The following ASIC2 variants were observed in gnomAD, a reference collection of about 807,000 sequenced individuals.
ASIC2 encodes the protein acid sensing ion channel subunit 2, also known as acid-sensing ion channel 2.
Under a neutral mutation model 57.3 loss-of-function variants are expected in ASIC2, and 25 were observed. The ratio of observed to expected loss-of-function variants is 0.44; its 90% confidence interval spans 0.32 to 0.61. ASIC2 has a LOEUF of 0.61. ASIC2 is among the 20% of genes least tolerant of loss of function. ASIC2 has a pLI of 0.06. For synonymous variants in ASIC2, 319 were observed against 307.5 expected, an observed-to-expected ratio of 1.04 and a Z score of -0.39; for missense variants, 641 against 738.1, an observed-to-expected ratio of 0.87 and a Z score of 1.52.
At chr17:33,095,407 C>T (rs1370908736) in intron 2 of ASIC2, among the ~76,000 whole-genome samples, 1 of 152,214 alleles carries the variant, frequency 6.6e-6, no homozygotes, top group Non-Finnish European at 1.5e-5. Flanking sequence ...TGAGAGATCT[C>T]TTGGGGACAG....
intron 1 of ASIC2, among the ~76,000 whole-genome samples, chr17:33,201,202 G>T (rs755153927): frequency 1.2e-4 from 19 of 152,248 alleles, no homozygotes; most frequent in Non-Finnish European, 2.6e-4. Context: ...TGAGGACATG[G>T]ATTTTGATCT....
intron 1 of ASIC2, among the ~76,000 whole-genome samples, chr17:33,836,116 C>CTT (rs747425378): frequency 0.013 from 1,473 of 116,348 alleles, 72 homozygotes; most frequent in African/African-American, 0.044. Flanking sequence ...CCTCATACAG[C>CTT]TTTTTTTTTT....
chr17:33,236,742 G>A (rs536617723), intron 1 of ASIC2, among the ~76,000 whole-genome samples: 9 of 152,232 alleles, frequency 5.9e-5, no homozygotes, highest in East Asian at 5.8e-4. Context: ...ATCTTTATAA[G>A]AGAAAACAGA....
chr17:33,015,775 C>T (rs1041997847), intron 9 of ASIC2, among the ~76,000 whole-genome samples, 196 bp downstream of exon 9: 2 of 152,190 alleles, frequency 1.3e-5, no homozygotes, highest in Admixed American at 6.5e-5. Context: ...TCCGTACTGG[C>T]TTCTGGCATG....
chr17:33,363,240 C>G (rs544295848), intron 1 of ASIC2, among the ~76,000 whole-genome samples: 2 of 152,254 alleles, frequency 1.3e-5, no homozygotes, highest in South Asian at 4.1e-4. Flanking sequence ...ACCCACAGAA[C>G]CAGGGGCAGG....
At chr17:33,798,061 T>A (rs1033641511) in intron 1 of ASIC2, among the ~76,000 whole-genome samples, 8 of 151,466 alleles carry the variant, frequency 5.3e-5, no homozygotes, top group Admixed American at 5.3e-4. Flanking sequence ...GGAAACAGGA[T>A]GGGAAAAGGA....
chr17:33,476,504 C>CATATATATATATATATATATATATAT (rs67811038), intron 1 of ASIC2, among the ~76,000 whole-genome samples: 3 of 122,760 alleles, frequency 2.4e-5, no homozygotes, highest in Non-Finnish European at 3.5e-5. Flanking sequence ...TGTGTGTGTG[C>CATATATATATATATATATATATATAT]ATATATATAT....
At chr17:33,365,026 A>T (rs1908753055) in intron 1 of ASIC2, among the ~76,000 whole-genome samples, 1 of 152,210 alleles carries the variant, frequency 6.6e-6, no homozygotes, top group Non-Finnish European at 1.5e-5. Flanking sequence ...CAAGCTCTTT[A>T]GCACGGATAT....
At position 33,683,740 on chromosome 17, in the gene ASIC2, G is replaced by T. The variant is rs6505365; in HGVS notation, c.555+472238C>A. ...TGTTTTTTACAGAGACAGGGGTCTT[G>T]CTATGTTGCCCAGGCTGGTCTCAAA... On this transcript the variant is annotated intron_variant, in intron 1 of 9. Coordinates refer to the ASIC2 transcript ENST00000359872. 8.8e-3 allele frequency among the ~76,000 whole-genome samples: 1,332 copies of T among 152,194 alleles called. 19 individuals carry two copies. The highest frequency in any genetic ancestry group is 0.03 in the African/African-American group (1,251 of 41,534).
At position 33,735,704 on chromosome 17, in the gene ASIC2, G is replaced by A. The variant is rs539478527; in HGVS notation, c.555+420274C>T. On this transcript the variant is annotated intron_variant, in intron 1 of 9. Transcript: ENST00000359872. Reference sequence around the variant, plus strand: ...TCCCTTTCACAAAGTCCTCAACAGCGGCTACCCACCTCCATTGAGCACTCC... The same window carrying A: ...TCCCTTTCACAAAGTCCTCAACAGCAGCTACCCACCTCCATTGAGCACTCC... 3.0e-4 allele frequency among the ~76,000 whole-genome samples: 46 copies of A among 152,130 alleles called. No homozygotes were observed. The South Asian group carries it at 3.1e-3, about 10-fold the overall frequency.
At chr17:33,910,385 C>G (rs1915435932) in intron 1 of ASIC2, among the ~76,000 whole-genome samples, 1 of 152,112 alleles carries the variant, frequency 6.6e-6, no homozygotes, top group Non-Finnish European at 1.5e-5. Flanking sequence ...GCAGCATAGC[C>G]AGGGAGCAAA....
intron 1 of ASIC2, among the ~76,000 whole-genome samples, chr17:33,559,813 C>T (rs1003312529): frequency 6.6e-5 from 10 of 152,106 alleles, no homozygotes; most frequent in African/African-American, 2.4e-4. Context: ...GTAGTACCTG[C>T]CTTATGATAG....
intron 1 of ASIC2, among the ~76,000 whole-genome samples, chr17:33,515,591 T>C (rs899290871): frequency 5.3e-5 from 8 of 152,204 alleles, no homozygotes; most frequent in African/African-American, 9.7e-5. Flanking sequence ...CTCTCCTCCC[T>C]TCTATTTATT....
rs1179314193 is a variant in ASIC2 at position 33,291,708 on chromosome 17, G to A, written c.408C>T (p.Cys136=). The A allele has an allele frequency of 8.7e-6, 14 of 1,613,648 alleles. 2 individuals are homozygous for A. The South Asian group carries it at 1.5e-4, about 18-fold the overall frequency. The change falls in exon 1 of 10, where the codon TGC becomes TGT. Residue 136 remains cysteine (C), a synonymous_variant. Coordinates refer to ENST00000225823, the MANE Select transcript of ASIC2 (RefSeq NM_183377.2). Reference sequence around the variant, plus strand: ...GCGGGAAGCGCAGCGGGTTGTTGTTGCACACAGTGACGGCGGGGAAGGGTA... The same window carrying A: ...GCGGGAAGCGCAGCGGGTTGTTGTTACACACAGTGACGGCGGGGAAGGGTA... ...RQLPFPAVTV[C]NNNPLRFPRL...
At chr17:33,340,457 C>G (rs1158405356) in intron 1 of ASIC2, among the ~76,000 whole-genome samples, 1 of 152,090 alleles carries the variant, frequency 6.6e-6, no homozygotes, top group East Asian at 1.9e-4. Context: ...GCAACTAGGT[C>G]AGCGCTTGGC....
At chr17:33,109,156 G>T (rs1442056933) in intron 2 of ASIC2, among the ~76,000 whole-genome samples, 1 of 152,158 alleles carries the variant, frequency 6.6e-6, no homozygotes, top group Non-Finnish European at 1.5e-5. Context: ...CACTGCTTGG[G>T]TGATGGGTGC....
chr17:34,095,290 T>A (rs530706650), intron 1 of ASIC2, among the ~76,000 whole-genome samples: 1 of 152,326 alleles, frequency 6.6e-6, no homozygotes, highest in Non-Finnish European at 1.5e-5. Flanking sequence ...AGGGAGCTCA[T>A]GCTGTCAGTC....
chr17:34,095,902 T>A (rs887109111), intron 1 of ASIC2, among the ~76,000 whole-genome samples: 1 of 151,858 alleles, frequency 6.6e-6, no homozygotes, highest in African/African-American at 2.4e-5. Context: ...GTTCCTTGCC[T>A]ATATTATTTC....
At chr17:33,690,809 G>A (rs910788795) in intron 1 of ASIC2, among the ~76,000 whole-genome samples, 2 of 143,694 alleles carry the variant, frequency 1.4e-5, no homozygotes, top group Non-Finnish European at 3.0e-5. Flanking sequence ...GAGTTCAGTG[G>A]CGCAATCTTG....
Sources: gnomAD v4.1 joint callset for allele counts (sites outside exome capture counted in the v4.1 genomes callset) on GRCh38, gnomAD v4.1.1 for gene constraint, MANE v1.5 for transcripts, NCBI Gene and HGNC (gene_info 2026-07-23, HGNC 2026-07-21) for gene names.